The following C11orf97 variants were observed in gnomAD, a reference collection of about 807,000 sequenced individuals.
The protein encoded by C11orf97 is uncharacterized protein C11orf97.
Under a neutral mutation model 16.2 loss-of-function variants are expected in C11orf97, and 15 were observed. The observed-to-expected ratio is 0.93, with a 90% CI of 0.62 to 1.43. C11orf97 has a LOEUF of 1.43. C11orf97 is among the 40% of genes most tolerant of loss of function. C11orf97 has a pLI of 0.00. For synonymous variants in C11orf97, 61 were observed against 65.7 expected, an observed-to-expected ratio of 0.93 and a Z score of 0.34; for missense variants, 171 against 161.2, an observed-to-expected ratio of 1.06 and a Z score of -0.33.
At chr11:94,531,844 G>T (rs1165693950) in intron 3 of C11orf97, 52 bp from the exon 4 acceptor site, 2 of 1,343,674 alleles carry the variant, frequency 1.5e-6, no homozygotes, top group Non-Finnish European at 2.0e-6. Context: ...AGATTAAAGA[G>T]CATCTCCCCG....
intron 3 of C11orf97, among the ~76,000 whole-genome samples, chr11:94,530,929 A>G (rs1314633038): frequency 6.6e-6 from 1 of 152,208 alleles, no homozygotes; most frequent in Admixed American, 6.5e-5. Context: ...TCTCCCATAA[A>G]ATATGCTTCA....
chr11:94,514,057 G>A (rs560554138), intron 1 of C11orf97, among the ~76,000 whole-genome samples: 6 of 152,204 alleles, frequency 3.9e-5, no homozygotes, highest in African/African-American at 7.2e-5. Flanking sequence ...TGATCCGCTC[G>A]CCTCAGCCTC....
rs1409815964 is a variant in C11orf97 at position 94,531,931 on chromosome 11, C to G, written c.*31C>G. ...ATTAGATTTTCCATTAAGAAGGAAC[C>G]TCTTTCTGCTGATGTCTGAAGAACG... On this transcript the variant is annotated 3_prime_UTR_variant, in exon 4 of 4. Transcript: ENST00000542198. The G allele has an allele frequency of 6.9e-7, 1 of 1,450,226 alleles. No homozygotes were observed. The highest frequency in any genetic ancestry group is 1.4e-5 in the South Asian group (1 of 72,980). The allele number at this position is 1,450,226 out of a possible 1,614,324, so 89.8% of individuals were successfully genotyped here.
At chr11:94,525,682 C>T (rs922964798) in intron 2 of C11orf97, among the ~76,000 whole-genome samples, 1 of 152,164 alleles carries the variant, frequency 6.6e-6, no homozygotes, top group African/African-American at 2.4e-5. Context: ...ATTAAAATTA[C>T]TTATATTTTT....
At chr11:94,522,941 A>C (rs1264166970) in intron 2 of C11orf97, among the ~76,000 whole-genome samples, 1 of 152,188 alleles carries the variant, frequency 6.6e-6, no homozygotes, top group Non-Finnish European at 1.5e-5. Context: ...TATTAACAAC[A>C]GTGGCTGGGG....
intron 2 of C11orf97, among the ~76,000 whole-genome samples, chr11:94,527,573 G>T (rs1160735088): frequency 6.6e-6 from 1 of 152,156 alleles, no homozygotes; most frequent in Non-Finnish European, 1.5e-5. Context: ...TAAAATGTAG[G>T]ATCCAGTGAG....
In C11orf97 at chr11:94,517,700, A is replaced by G. The variant is rs1194248482; in HGVS notation, c.250+13A>G. 1 of 1,471,200 alleles carries G rather than the reference A, an allele frequency of 6.8e-7. No homozygotes were observed. 91.1% of individuals were successfully genotyped at this position (1,471,200 alleles called of 1,614,324 possible). On this transcript the variant is annotated intron_variant, in intron 2 of 3. Coordinates refer to ENST00000542198, the MANE Select transcript of C11orf97 (RefSeq NM_001190462.2). ...AATCCAGCTGCAGGTAATCTCAGTG[A>G]CAAATGAAGTATGTTTGTGAAATGA...
intron 1 of C11orf97, 34 bp from the exon 2 acceptor site, chr11:94,517,549 T>C: frequency 3.8e-6 from 5 of 1,313,692 alleles, no homozygotes; most frequent in Non-Finnish European, 5.2e-6. Flanking sequence ...GCAGTATTTA[T>C]ACTAAGTAAT....
intron 1 of C11orf97, among the ~76,000 whole-genome samples, chr11:94,516,645 A>C (rs1947613367): frequency 6.6e-6 from 1 of 152,196 alleles, no homozygotes; most frequent in African/African-American, 2.4e-5. Context: ...ATGAAGCTGT[A>C]TCCAAATTGC....
At chr11:94,522,289 A>C (rs191420120) in intron 2 of C11orf97, among the ~76,000 whole-genome samples, 35 of 152,294 alleles carry the variant, frequency 2.3e-4, no homozygotes, top group Admixed American at 2.2e-3. Context: ...TAATCCCAGC[A>C]CTTTAGGAGG....
intron 1 of C11orf97, among the ~76,000 whole-genome samples, chr11:94,515,501 A>G (rs1344684274): frequency 6.6e-6 from 1 of 151,746 alleles, no homozygotes; most frequent in African/African-American, 2.4e-5. Context: ...AGTTTGTAGA[A>G]TTTTCTTTCT....
intron 1 of C11orf97, among the ~76,000 whole-genome samples, chr11:94,514,675 T>C (rs376354381): frequency 1.1e-4 from 15 of 142,524 alleles, no homozygotes; most frequent in African/African-American, 3.9e-4. Flanking sequence ...GACAGAGTCT[T>C]ACTCTGTTGC....
chr11:94,525,989 A>T (rs541961675), intron 2 of C11orf97, among the ~76,000 whole-genome samples: 2 of 152,300 alleles, frequency 1.3e-5, no homozygotes, highest in East Asian at 3.9e-4. Flanking sequence ...GAGAAGAGGA[A>T]TCTCTAGAAG....
intron 3 of C11orf97, among the ~76,000 whole-genome samples, chr11:94,528,711 C>T (rs956017606): frequency 2.6e-5 from 4 of 152,112 alleles, no homozygotes; most frequent in Non-Finnish European, 4.4e-5. Flanking sequence ...AACTTTGGAA[C>T]AAAATATTAC....
intron 2 of C11orf97, among the ~76,000 whole-genome samples, chr11:94,517,979 C>G (rs1367566761): frequency 6.6e-6 from 1 of 151,922 alleles, no homozygotes; most frequent in African/African-American, 2.4e-5. Context: ...GAAAACCCGT[C>G]TCTACTAAAA....
chr11:94,523,885 G>A (rs1290959419), intron 2 of C11orf97, among the ~76,000 whole-genome samples: 3 of 152,172 alleles, frequency 2.0e-5, no homozygotes, highest in Non-Finnish European at 2.9e-5. Context: ...GGTGTCTCAC[G>A]TGGTTGTTAC....
intron 2 of C11orf97, among the ~76,000 whole-genome samples, chr11:94,520,035 G>A (rs1591747296): frequency 6.6e-6 from 1 of 152,332 alleles, no homozygotes; most frequent in African/African-American, 2.4e-5. Context: ...AGAGAATTGT[G>A]TGGTTCCTAT....
intron 3 of C11orf97, 135 bp from the exon 4 acceptor site, chr11:94,531,761 T>A (rs595672): frequency 0.32 from 195,906 of 609,180 alleles, 32,504 homozygotes; most frequent in Non-Finnish European, 0.34. Context: ...GTTACTGGGA[T>A]GACATGGGTG....
At chr11:94,517,955 C>T (rs959970109) in intron 2 of C11orf97, among the ~76,000 whole-genome samples, 1 of 151,988 alleles carries the variant, frequency 6.6e-6, no homozygotes, top group African/African-American at 2.4e-5. Context: ...TGAGACTATC[C>T]TGGCTAACAC....
Sources: allele counts gnomAD v4.1 joint callset (sites outside exome capture counted in the v4.1 genomes callset), GRCh38; gene constraint gnomAD v4.1.1; transcripts MANE v1.5; gene names NCBI Gene and HGNC (gene_info 2026-07-23, HGNC 2026-07-21).